The following MYH7B variants were observed in gnomAD, a reference collection of about 807,000 sequenced individuals.
The protein encoded by MYH7B is myosin heavy chain 7B.
A neutral mutation model predicts 234.5 loss-of-function variants in MYH7B; 205 were observed. That is an observed-to-expected ratio of 0.87 (90% confidence interval 0.78 to 0.98). The LOEUF is 0.98. Among genes scored for constraint, MYH7B ranks in the 50% least tolerant of loss-of-function variants. The pLI is 0.00. For missense variants in MYH7B, 2,652 were observed against 2,633.4 expected, an observed-to-expected ratio of 1.01 and a Z score of -0.15; for synonymous variants, 1,193 against 1,105.0, an observed-to-expected ratio of 1.08 and a Z score of -1.58.
exon 8 of MYH7B, chr20:34,980,732 G>T (rs916104652): frequency 1.2e-6 from 2 of 1,613,050 alleles, no homozygotes; most frequent in Non-Finnish European, 8.5e-7. Flanking sequence ...GACATGCTGC[G>T]CAGTAAGGGC....
chr20:34,964,220 G>A (rs1248732534), intron 2 of MYH7B, among the ~76,000 whole-genome samples: 1 of 152,194 alleles, frequency 6.6e-6, no homozygotes. Context: ...CATCCTCACC[G>A]AGACAGAATG....
In MYH7B at chr20:34,995,582, T is replaced by C; in HGVS notation, c.2943+4T>C. 6.2e-7 allele frequency: 1 copy of C among 1,613,698 alleles called. No individual in the cohort carries two copies. Among genetic ancestry groups the C allele is most frequent in the Non-Finnish European group, 8.5e-7 (1 of 1,179,926 alleles). ...GAAGCAAGCCACTGAGAACAAGGTG[T>C]GGGCCGGGCCAGCTGTGGGGAAGGG... On this transcript the variant is annotated splice_donor_region_variant and intron_variant, in intron 28 of 44. Coordinates refer to ENST00000262873, the Ensembl canonical transcript of MYH7B.
chr20:34,977,608 G>A (rs6120779), intron 3 of MYH7B, 24 bp from the exon 4 acceptor site: 1 of 1,571,766 alleles, frequency 6.4e-7, no homozygotes, highest in African/African-American at 1.3e-5. Context: ...TGCTGACATA[G>A]CTCTCCTCCT....
exon 32 of MYH7B, chr20:34,997,332 G>C: frequency 6.5e-7 from 1 of 1,546,540 alleles, no homozygotes; most frequent in Non-Finnish European, 8.7e-7. Flanking sequence ...TGCAGAGGCG[G>C]CGCGGGAGCT....
At chr20:34,969,541 T>C (rs1316440866) in intron 2 of MYH7B, among the ~76,000 whole-genome samples, 2 of 104,582 alleles carry the variant, frequency 1.9e-5, no homozygotes, top group East Asian at 2.7e-4. Flanking sequence ...CTTCTGCTCC[T>C]TTTTTTTTTT....
chr20:34,983,670 C>T (rs1569039016), intron 10 of MYH7B, among the ~76,000 whole-genome samples: 2 of 152,188 alleles, frequency 1.3e-5, no homozygotes, highest in Non-Finnish European at 2.9e-5. Context: ...AAAGATTGAT[C>T]AGCTCCCCTT....
chr20:34,999,922 TC>T lies in MYH7B; in HGVS notation c.4781+19del. 1 of 1,606,574 alleles carries T rather than the reference TC, an allele frequency of 6.2e-7. No individual in the cohort carries two copies. The highest frequency in any genetic ancestry group is 8.5e-7 in the Non-Finnish European group (1 of 1,174,698). On this transcript the variant is annotated intron_variant, in intron 38 of 44. Coordinates refer to ENST00000262873, the Ensembl canonical transcript of MYH7B. ...CTAACCTGAGGTGTGTCCATCCTTCTCCCGTCCCCACCTCCCGAGAGCAGAA... is the reference window on the plus strand; with the variant it reads ...CTAACCTGAGGTGTGTCCATCCTTCTCCGTCCCCACCTCCCGAGAGCAGAA...
At chr20:34,975,279 A>G (rs923371726) in intron 2 of MYH7B, 121 bp from the exon 3 acceptor site, 12 of 447,862 alleles carry the variant, frequency 2.7e-5, no homozygotes, top group Middle Eastern at 5.7e-4. Flanking sequence ...ATCTCGGCGC[A>G]CTGTAACCTC....
chr20:34,979,360 T>C (rs551235711), intron 5 of MYH7B, 30 bp from the exon 6 acceptor site: 1 of 1,568,660 alleles, frequency 6.4e-7, no homozygotes, highest in South Asian at 1.1e-5. Context: ...TCAGCCCCTC[T>C]CTGAGTCCAG....
At chr20:34,965,964 T>G (rs538650545) in intron 2 of MYH7B, among the ~76,000 whole-genome samples, 1 of 152,054 alleles carries the variant, frequency 6.6e-6, no homozygotes, top group African/African-American at 2.4e-5. Context: ...TATAGGTCTA[T>G]AGCCAACATG....
At chr20:34,964,618 G>A (rs1426837455) in intron 2 of MYH7B, among the ~76,000 whole-genome samples, 1 of 152,176 alleles carries the variant, frequency 6.6e-6, no homozygotes, top group Non-Finnish European at 1.5e-5. Flanking sequence ...AAAGAGTGAA[G>A]CCAAAAGAGA....
chr20:34,990,228 T>C lies in MYH7B; in HGVS notation c.1901-6T>C. Reference sequence around the variant, plus strand: ...CTGGAGTGACCAGGCCCCTTGTCTCTATTAGCTGAGCCCCCCAAGTCTGGG... The same window carrying C: ...CTGGAGTGACCAGGCCCCTTGTCTCCATTAGCTGAGCCCCCCAAGTCTGGG... On this transcript the variant is annotated splice_polypyrimidine_tract_variant and splice_region_variant and intron_variant, in intron 21 of 44. Coordinates refer to ENST00000262873, the Ensembl canonical transcript of MYH7B. 1 of 1,614,126 alleles carries C rather than the reference T, an allele frequency of 6.2e-7. No homozygotes were observed. The highest frequency in any genetic ancestry group is 8.5e-7 in the Non-Finnish European group (1 of 1,180,034).
At chr20:34,980,805 C>A in intron 8 of MYH7B, 71 bp downstream of exon 8, 1 of 1,581,284 alleles carries the variant, frequency 6.3e-7, no homozygotes, top group East Asian at 2.3e-5. Context: ...TGTAAGGGAC[C>A]CCCTTCCCCC....
Position 34,998,716 on chromosome 20 carries a change from C to A in MYH7B, c.3994-3C>A, listed in dbSNP as rs1262472142. The A allele has an allele frequency of 1.9e-6, 3 of 1,611,024 alleles. No individual in the cohort carries two copies. The Admixed American group carries it at 5.0e-5, about 27-fold the overall frequency. ...AACGCTGAGGTCACTGGTGTCCCTG[C>A]AGGCCAAGAGTGCCCTGGCCCACGC... On this transcript the variant is annotated splice_polypyrimidine_tract_variant and splice_region_variant and intron_variant, in intron 34 of 44. Transcript: ENST00000262873.
intron 38 of MYH7B, 44 bp downstream of exon 38, chr20:34,999,950 G>C (rs771344829): frequency 1.3e-6 from 2 of 1,552,134 alleles, no homozygotes; most frequent in South Asian, 2.3e-5. Context: ...AGAGCAGAAG[G>C]GGAGGGAAGC....
intron 2 of MYH7B, among the ~76,000 whole-genome samples, chr20:34,973,576 T>C (rs1223975112): frequency 6.6e-6 from 1 of 152,204 alleles, no homozygotes; most frequent in Non-Finnish European, 1.5e-5. Flanking sequence ...TGAGTCTTCC[T>C]TGGTGCTGGC....
intron 2 of MYH7B, among the ~76,000 whole-genome samples, chr20:34,967,467 G>C (rs984949183): frequency 5.3e-5 from 8 of 152,014 alleles, no homozygotes; most frequent in African/African-American, 1.9e-4. Context: ...CCTCTGGGTA[G>C]GTTTCCCAGC....
exon 8 of MYH7B, chr20:34,980,679 T>C: frequency 6.2e-6 from 10 of 1,614,192 alleles, no homozygotes; most frequent in Non-Finnish European, 8.5e-6. Context: ...GCCGCTCAGA[T>C]TCCCCGCCCC....
chr20:34,995,542 C>T, exon 28 of MYH7B: 2 of 1,614,070 alleles, frequency 1.2e-6, no homozygotes, highest in Non-Finnish European at 1.7e-6. Context: ...TGACACTGGC[C>T]AAAGCTGAGA....
Sources: gnomAD v4.1 joint callset for allele counts (sites outside exome capture counted in the v4.1 genomes callset) on GRCh38, gnomAD v4.1.1 for gene constraint, MANE v1.5 for transcripts, NCBI Gene and HGNC (gene_info 2026-07-23, HGNC 2026-07-21) for gene names.